BRINP3: variants seen among roughly 807,000 people sequenced by gnomAD.
BRINP3 encodes the protein BMP/retinoic acid inducible neural specific 3, also known as BMP/retinoic acid-inducible neural-specific protein 3.
In BRINP3, 19 loss-of-function variants were observed where a neutral mutation model predicts 71.0. The observed-to-expected ratio is 0.27, with a 90% confidence interval of 0.19 to 0.39. The LOEUF (loss-of-function observed/expected upper bound fraction) is 0.39, where lower values mean the gene tolerates loss of function less well. BRINP3 is among the 10% of genes least tolerant of loss of function. The pLI is 1.00. For synonymous variants in BRINP3, 380 were observed against 337.7 expected (o/e 1.13, Z -1.37); for missense variants, 959 against 940.8 (o/e 1.02, Z -0.25).
chr1:190,129,994 T>C (rs1214161049), intron 7 of BRINP3, among the ~76,000 whole-genome samples: 1 of 151,992 alleles, frequency 6.6e-6, no homozygotes, highest in Non-Finnish European at 1.5e-5. Flanking sequence ...TGCTTACAAA[T>C]AAATAATTTG....
At position 190,154,923 on chromosome 1, in the gene BRINP3, G is replaced by T. The variant is rs142698632; in HGVS notation, c.1184+5745C>A. Among the ~76,000 whole-genome samples the T allele has an allele frequency of 4.2e-3, 634 of 152,136 alleles. 2 individuals are homozygous for T. Among genetic ancestry groups the T allele is most frequent in the African/African-American group, 0.015 (607 of 41,506 alleles). ...CTGTTATCAAAACTTAAAAAAATGA[G>T]GCTGTTGCTTCAGGACAAACAACTG... is the stretch of plus-strand genomic sequence containing the variant. On this transcript the variant is annotated intron_variant, in intron 7 of 7. Coordinates refer to ENST00000367462, the MANE Select transcript of BRINP3 (RefSeq NM_199051.3).
At chr1:190,450,187 C>A (rs1434126883) in intron 2 of BRINP3, among the ~76,000 whole-genome samples, 1 of 152,034 alleles carries the variant, frequency 6.6e-6, no homozygotes, top group Non-Finnish European at 1.5e-5. Flanking sequence ...GAGGGAGCTG[C>A]GAAGTTGCTA....
Position 190,277,119 on chromosome 1 carries a change from T to TATATATATATATATATA in BRINP3, c.427+4440_427+4441insTATATATATATATATAT, listed in dbSNP as rs1401150849. 2.9e-3 allele frequency among the ~76,000 whole-genome samples: 79 copies of TATATATATATATATATA among 26,918 alleles called. 1 individual carries two copies. Among genetic ancestry groups the TATATATATATATATATA allele is most frequent in the Non-Finnish European group, 5.7e-3 (62 of 10,912 alleles). 17.7% of individuals were successfully genotyped at this position (26,918 alleles called of 152,430 possible). ...TATATATATATATATATATATATAT[T>TATATATATATATATATA]TATATTCAGAAAAGAAAACTTTTTC... On this transcript the variant is annotated intron_variant, in intron 3 of 7. Coordinates refer to ENST00000367462, the MANE Select transcript of BRINP3 (RefSeq NM_199051.3).
At chr1:190,254,680 C>T (rs77147385) in intron 4 of BRINP3, among the ~76,000 whole-genome samples, 4,381 of 152,206 alleles carry the variant, frequency 0.029, 334 homozygotes, top group East Asian at 0.24. Flanking sequence ...TGGGCTGAGA[C>T]GATGGGGTTT....
intron 6 of BRINP3, among the ~76,000 whole-genome samples, chr1:190,191,082 C>G (rs1458947188): frequency 6.6e-6 from 1 of 152,088 alleles, no homozygotes; most frequent in Non-Finnish European, 1.5e-5. Flanking sequence ...ACACTAGTTT[C>G]TAAGAGGCAA....
At chr1:190,104,966 G>A (rs1408289597) in intron 7 of BRINP3, among the ~76,000 whole-genome samples, 1 of 152,136 alleles carries the variant, frequency 6.6e-6, no homozygotes, top group East Asian at 1.9e-4. Context: ...TTTATGGTTA[G>A]GCTATTTTAT....
intron 7 of BRINP3, among the ~76,000 whole-genome samples, chr1:190,157,028 G>GT (rs988332882): frequency 6.6e-6 from 1 of 151,716 alleles, no homozygotes; most frequent in Non-Finnish European, 1.5e-5. Flanking sequence ...TGCAGTTTCT[G>GT]TTTTTTCACT....
chr1:190,226,484 T>C (rs1657392496), intron 5 of BRINP3, among the ~76,000 whole-genome samples, 166 bp from the exon 6 acceptor site: 1 of 152,040 alleles, frequency 6.6e-6, no homozygotes, highest in Non-Finnish European at 1.5e-5. Context: ...GCTGCAAATA[T>C]TTATAACTCT....
At chr1:190,288,619 A>G (rs1663617987) in intron 2 of BRINP3, among the ~76,000 whole-genome samples, 2 of 151,978 alleles carry the variant, frequency 1.3e-5, no homozygotes, top group African/African-American at 4.8e-5. Flanking sequence ...AGACATTTTG[A>G]AGTAAAATTT....
At chr1:190,241,259 C>A (rs1303228687) in intron 4 of BRINP3, among the ~76,000 whole-genome samples, 1 of 151,806 alleles carries the variant, frequency 6.6e-6, no homozygotes, top group Non-Finnish European at 1.5e-5. Flanking sequence ...CTAGTTTCAC[C>A]ATCTCATTAT....
At chr1:190,425,761 T>G (rs777606954) in intron 2 of BRINP3, among the ~76,000 whole-genome samples, 1 of 151,832 alleles carries the variant, frequency 6.6e-6, no homozygotes, top group South Asian at 2.1e-4. Context: ...ATAAGTATAC[T>G]TGTTAGAATT....
At chr1:190,421,963 C>T (rs1041915782) in intron 2 of BRINP3, among the ~76,000 whole-genome samples, 1 of 151,796 alleles carries the variant, frequency 6.6e-6, no homozygotes, top group Non-Finnish European at 1.5e-5. Context: ...TTGCTGGCTA[C>T]TTAATAAGTC....
chr1:190,186,502 T>G (rs1484360521), intron 6 of BRINP3, among the ~76,000 whole-genome samples: 1 of 152,202 alleles, frequency 6.6e-6, no homozygotes, highest in Non-Finnish European at 1.5e-5. Context: ...CCACATCTTT[T>G]CACAACAGTG....
chr1:190,440,253 CA>C (rs1266914106), intron 2 of BRINP3, among the ~76,000 whole-genome samples: 1 of 151,696 alleles, frequency 6.6e-6, no homozygotes, highest in Admixed American at 6.6e-5. Context: ...TCTCTTTTTA[CA>C]AGCAAATAGG....
chr1:190,374,970 A>C (rs1425601840), intron 2 of BRINP3, among the ~76,000 whole-genome samples: 1 of 152,024 alleles, frequency 6.6e-6, no homozygotes, highest in Non-Finnish European at 1.5e-5. Flanking sequence ...TCAATAATTT[A>C]AAAAATGGGT....
At chr1:190,446,551 A>T (rs6664710) in intron 2 of BRINP3, among the ~76,000 whole-genome samples, 32,408 of 152,078 alleles carry the variant, frequency 0.21, 3,544 homozygotes, top group African/African-American at 0.24. Context: ...TGAAGAAGTA[A>T]TTGTAAGTGA....
intron 2 of BRINP3, among the ~76,000 whole-genome samples, chr1:190,390,092 C>G (rs1385620533): frequency 6.6e-6 from 1 of 151,690 alleles, no homozygotes; most frequent in African/African-American, 2.4e-5. Context: ...AGAGCAGTAA[C>G]TCTCAGAAGG....
intron 2 of BRINP3, among the ~76,000 whole-genome samples, chr1:190,371,302 T>A (rs1669849973): frequency 6.6e-6 from 1 of 152,218 alleles, no homozygotes; most frequent in Non-Finnish European, 1.5e-5. Flanking sequence ...AGTTTTAAAA[T>A]TTCAATTGTT....
chr1:190,447,481 T>C (rs1675303949), intron 2 of BRINP3, among the ~76,000 whole-genome samples: 1 of 147,166 alleles, frequency 6.8e-6, no homozygotes, highest in Admixed American at 6.8e-5. Flanking sequence ...GGGAAAGAGA[T>C]TGAAGTTAAA....
Sources: allele counts gnomAD v4.1 joint callset (sites outside exome capture counted in the v4.1 genomes callset), GRCh38; gene constraint gnomAD v4.1.1; transcripts MANE v1.5; gene names NCBI Gene and HGNC (gene_info 2026-07-23, HGNC 2026-07-21).